The following PTPN21 variants were observed in gnomAD, a reference collection of about 807,000 sequenced individuals.
PTPN21 encodes the protein tyrosine-protein phosphatase non-receptor type 21.
A neutral mutation model predicts 131.8 loss-of-function variants in PTPN21; 77 were observed. The ratio of observed to expected loss-of-function variants is 0.58; its 90% CI spans 0.49 to 0.71. PTPN21 has a LOEUF of 0.71. PTPN21 is among the 30% of genes least tolerant of loss of function. The pLI, the probability that PTPN21 is intolerant of heterozygous loss-of-function variation, is 0.00. For missense variants in PTPN21, 1,552 were observed against 1,527.1 expected, an observed-to-expected ratio of 1.02 and a Z score of -0.27; for synonymous variants, 715 against 621.3, an observed-to-expected ratio of 1.15 and a Z score of -2.24.
chr14:88,477,967 T>A (rs1292358911), intron 13 of PTPN21, among the ~76,000 whole-genome samples: 1 of 152,226 alleles, frequency 6.6e-6, no homozygotes, highest in African/African-American at 2.4e-5. Flanking sequence ...ATGCAGAACA[T>A]ACATCTACAG....
rs2077586739 is a variant in PTPN21, at chr14:88,478,886, C to T, written c.2511+34G>A. The T allele has an allele frequency of 6.5e-6, 9 of 1,391,112 alleles. No individual in the cohort carries two copies. The South Asian group carries it at 1.0e-4, about 16-fold the overall frequency. The allele number at this position is 1,391,112 out of a possible 1,614,324, so 86.2% of individuals were successfully genotyped here. On this transcript the variant is annotated intron_variant, in intron 13 of 18. Transcript: ENST00000556564. ...AGAAGCGCCAGGGCGAACGCGCGGT[C>T]CCCTGGCCCGGCACTGCTCGCCGCG...
chr14:88,508,851 G>A (rs1288823433), intron 3 of PTPN21, among the ~76,000 whole-genome samples: 2 of 152,166 alleles, frequency 1.3e-5, no homozygotes, highest in African/African-American at 4.8e-5. Context: ...ATCTGGTAAT[G>A]TGGGTTTACT....
At position 88,484,160 on chromosome 14, in the gene PTPN21, A is replaced by G. The variant is rs2077696271; in HGVS notation, c.1078+916T>C. On this transcript the variant is annotated intron_variant, in intron 12 of 18. Coordinates refer to ENST00000556564, the MANE Select transcript of PTPN21 (RefSeq NM_007039.4). The stretch of plus-strand genomic sequence containing the variant: ...CACCTTGGGCTTAAGCAATCCTCCT[A>G]CCTCAGCCTCCTGAGTAGCTGGGAC... Among the ~76,000 whole-genome samples the G allele has an allele frequency of 2.0e-5, 3 of 149,642 alleles. 1 individual carries two copies. The South Asian group carries it at 6.3e-4, about 32-fold the overall frequency.
Position 88,555,004 on chromosome 14 carries a change from G to A in PTPN21, c.-556C>T, listed in dbSNP as rs2078906157. Among the ~76,000 whole-genome samples, 2 of 151,688 alleles carry A rather than the reference G, an allele frequency of 1.3e-5. No individual in the cohort carries two copies. Among genetic ancestry groups the A allele is most frequent in the Non-Finnish European group, 2.9e-5 (2 of 67,850 alleles). ...GGAGCAGCGGGGCGGCCGGGCCCAG[G>A]CGTCCCTCCCCCTGAGCCGGGCGGG... On this transcript the variant is annotated 5_prime_UTR_variant, in exon 1 of 19. Transcript: ENST00000556564.
At chr14:88,506,190 A>G (rs1483532408) in intron 4 of PTPN21, among the ~76,000 whole-genome samples, 2 of 152,040 alleles carry the variant, frequency 1.3e-5, no homozygotes, top group African/African-American at 4.8e-5. Context: ...AATTTTAAAA[A>G]TCAGCCAGGC....
intron 2 of PTPN21, among the ~76,000 whole-genome samples, chr14:88,534,479 G>A (rs895261993): frequency 2.0e-5 from 3 of 152,114 alleles, no homozygotes; most frequent in African/African-American, 7.2e-5. Context: ...TTGTATAGCT[G>A]TACAATGTGT....
chr14:88,471,911 A>C (rs1489589842), intron 15 of PTPN21, among the ~76,000 whole-genome samples: 1 of 143,738 alleles, frequency 7.0e-6, no homozygotes, highest in Non-Finnish European at 1.5e-5. Context: ...TCTATCTCAA[A>C]AAAGGCAAAA....
chr14:88,490,298 C>A (rs775550755), intron 10 of PTPN21, among the ~76,000 whole-genome samples: 6 of 152,200 alleles, frequency 3.9e-5, no homozygotes, highest in Non-Finnish European at 8.8e-5. Context: ...CATGAGCCAC[C>A]GTGACCGGCC....
At chr14:88,518,362 A>ATG (rs2078323379) in intron 2 of PTPN21, among the ~76,000 whole-genome samples, 1 of 77,674 alleles carries the variant, frequency 1.3e-5, no homozygotes, top group African/African-American at 4.1e-5. Context: ...ATATACATAC[A>ATG]CGTGTGTGTG....
intron 9 of PTPN21, among the ~76,000 whole-genome samples, chr14:88,496,897 T>C (rs1169254345): frequency 6.6e-6 from 1 of 152,250 alleles, no homozygotes; most frequent in Non-Finnish European, 1.5e-5. Flanking sequence ...GCTATTCATT[T>C]ATCAATGAAA....
intron 10 of PTPN21, among the ~76,000 whole-genome samples, chr14:88,491,175 G>C (rs1022084115): frequency 2.0e-5 from 3 of 152,146 alleles, no homozygotes; most frequent in Admixed American, 6.5e-5. Flanking sequence ...TTTGGATAAC[G>C]ATCATTCTGT....
At chr14:88,516,990 A>G in intron 3 of PTPN21, 102 bp downstream of exon 3, 2 of 1,344,378 alleles carry the variant, frequency 1.5e-6, no homozygotes, top group Non-Finnish European at 2.0e-6. Flanking sequence ...ATGTGGGGCG[A>G]GAGGGCAAAG....
intron 3 of PTPN21, among the ~76,000 whole-genome samples, chr14:88,510,863 A>C (rs1037595424): frequency 1.3e-5 from 2 of 152,144 alleles, no homozygotes; most frequent in African/African-American, 4.8e-5. Context: ...ACTTTAATGG[A>C]AGCAACTAAG....
chr14:88,499,326 GGGA>G (rs1342914982), intron 8 of PTPN21: 41 of 152,264 alleles, frequency 2.7e-4, no homozygotes, highest in Non-Finnish European at 4.4e-5. Context: ...AAGGAAGTGA[GGGA>G]GGAGATGTCA....
intron 2 of PTPN21, among the ~76,000 whole-genome samples, chr14:88,523,554 A>G (rs1445018096): frequency 6.6e-6 from 1 of 152,208 alleles, no homozygotes; most frequent in Non-Finnish European, 1.5e-5. Flanking sequence ...AAGGATGCCC[A>G]TGTTCACCAC....
rs1285903670 is a variant in PTPN21, at chr14:88,485,065, G to A, written c.1078+11C>T. 6.4e-7 allele frequency: 1 copy of A among 1,556,438 alleles called. No individual in the cohort carries two copies. The highest frequency in any genetic ancestry group is 1.4e-5 in the African/African-American group (1 of 73,590). On this transcript the variant is annotated intron_variant, in intron 12 of 18. Coordinates refer to ENST00000556564, the MANE Select transcript of PTPN21 (RefSeq NM_007039.4). The stretch of plus-strand genomic sequence containing the variant: ...AACTATGTAAGGCATGGCAGAAACA[G>A]TGTACTTTACCTTGGGAAGAAGCAT...
chr14:88,513,581 G>A (rs2078217470), intron 3 of PTPN21: 1 of 152,172 alleles, frequency 6.6e-6, no homozygotes, highest in Admixed American at 6.5e-5. Context: ...GTCCTCTTTT[G>A]CAAGTAAAAA....
At position 88,500,956 on chromosome 14, in the gene PTPN21, A is replaced by T. The variant is rs1330873598; in HGVS notation, c.676-85T>A. ...AGAGTTCCCTGGACTGGTTTCCCAG[A>T]TGTAGAAAGTTCCGAAGACCTACAG... On this transcript the variant is annotated intron_variant, in intron 7 of 18. Transcript: ENST00000556564. 3.1e-6 allele frequency: 3 copies of T among 972,772 alleles called. No individual in the cohort carries two copies. In the East Asian group the frequency reaches 7.2e-5, roughly 23 times the overall value. The allele number at this position is 972,772 out of a possible 1,614,324, so 60.3% of individuals were successfully genotyped here.
In PTPN21 at chr14:88,545,945, T is replaced by C. The variant is rs186693451; in HGVS notation, c.180+4293A>G. 4.4e-3 allele frequency among the ~76,000 whole-genome samples: 622 copies of C among 142,456 alleles called. 3 individuals carry two copies. Among genetic ancestry groups the C allele is most frequent in the African/African-American group, 0.016 (605 of 37,784 alleles). 93.5% of individuals were successfully genotyped at this position (142,456 alleles called of 152,430 possible). A position where few individuals can be genotyped will look rare whatever the true frequency, so the allele number is the denominator to read the frequency against. On this transcript the variant is annotated intron_variant, in intron 2 of 18. Transcript: ENST00000556564. The stretch of plus-strand genomic sequence containing the variant: ...AGACGGAGGTTGCAGTGAGCCGAGA[T>C]CGCGCCACTGCACTCCAGCCTGGGC...
Sources: gnomAD v4.1 joint callset for allele counts (sites outside exome capture counted in the v4.1 genomes callset) on GRCh38, gnomAD v4.1.1 for gene constraint, MANE v1.5 for transcripts, NCBI Gene and HGNC (gene_info 2026-07-23, HGNC 2026-07-21) for gene names.